CDHR2: variants seen among roughly 807,000 people sequenced by gnomAD.
CDHR2 encodes cadherin-related family member 2.
Under a neutral mutation model 138.6 loss-of-function variants are expected in CDHR2, and 104 were observed. That is an observed-to-expected ratio of 0.75 (90% CI 0.64 to 0.88). The LOEUF (loss-of-function observed/expected upper bound fraction) is 0.88, where lower values mean the gene tolerates loss of function less well. Ranked by LOEUF, CDHR2 falls within the 40% of genes least tolerant of loss-of-function variation. The pLI is 0.00. For synonymous variants in CDHR2, 755 were observed against 742.8 expected (o/e 1.02, Z -0.27); for missense variants, 1,624 against 1,727.6 (o/e 0.94, Z 1.06).
At chr5:176,585,062 G>A in intron 19 of CDHR2, 47 bp downstream of exon 19, 9 of 1,499,026 alleles carry the variant, frequency 6.0e-6, no homozygotes, top group Non-Finnish European at 8.0e-6. Context: ...TAGCTTAGGG[G>A]CCGCGGGAAG....
chr5:176,590,292 C>A lies in CDHR2; in HGVS notation c.3315C>A (p.Phe1105Leu). ...PHSYLDAYFV[F>L]PNGSALTLDE... is the part of the protein sequence containing the mutation. ...CCTACCTCGATGCCTACTTTGTCTTCCCCAATGGGTCAGCCCTGACCCTTG... is the reference window on the plus strand; with the variant it reads ...CCTACCTCGATGCCTACTTTGTCTTACCCAATGGGTCAGCCCTGACCCTTG... The change falls in exon 26 of 32, where the codon TTC (phenylalanine) becomes TTA (leucine). Residue 1105 changes from phenylalanine to leucine, a missense_variant. Transcript: ENST00000261944. 6.2e-7 allele frequency: 1 copy of A among 1,614,176 alleles called. No individual in the cohort carries two copies. The highest frequency in any genetic ancestry group is 1.7e-5 in the Admixed American group (1 of 60,034).
chr5:176,575,442 G>A lies in CDHR2; in HGVS notation c.768+16G>A, dbSNP rs41275283. On this transcript the variant is annotated intron_variant, in intron 9 of 31. Transcript: ENST00000261944. Reference sequence around the variant, plus strand: ...TGCAGCCAAGGTGCACGGGGGACCTGTGGGGTGTGGGTGGAGGCGGGAGGC... The same window carrying A: ...TGCAGCCAAGGTGCACGGGGGACCTATGGGGTGTGGGTGGAGGCGGGAGGC... The A allele has an allele frequency of 4.0e-4, 646 of 1,614,264 alleles. 1 individual carries two copies. Among genetic ancestry groups the A allele is most frequent in the Non-Finnish European group, 4.6e-4 (547 of 1,180,050 alleles).
intron 3 of CDHR2, among the ~76,000 whole-genome samples, chr5:176,566,204 A>T (rs900934778): frequency 3.7e-4 from 57 of 152,110 alleles, no homozygotes; most frequent in African/African-American, 1.4e-3. Flanking sequence ...TGTCTATGGC[A>T]GGTGAGATGG....
chr5:176,587,246 G>A (rs1758690970), intron 21 of CDHR2, among the ~76,000 whole-genome samples: 1 of 152,154 alleles, frequency 6.6e-6, no homozygotes, highest in African/African-American at 2.4e-5. Context: ...TCGGGAGTCT[G>A]CGACCAGCCT....
At chr5:176,585,778 TGGGGTTGAGGCTGCGGGGCAC>T (rs1561879445) in intron 19 of CDHR2, among the ~76,000 whole-genome samples, 155 bp from the exon 20 acceptor site, 10 of 142,494 alleles carry the variant, frequency 7.0e-5, no homozygotes, top group African/African-American at 1.1e-4. Context: ...CTGCGGGGCA[TGGGGTTGAGGCTGCGGGGCAC>T]GGGGTTGAGG....
At chr5:176,551,884 T>G (rs59381529) in intron 1 of CDHR2, among the ~76,000 whole-genome samples, 2,775 of 147,856 alleles carry the variant, frequency 0.019, 91 homozygotes, top group African/African-American at 0.066. Context: ...TTTTTTTTTT[T>G]GGGGAACTTT....
At chr5:176,571,031 T>G (rs1758214440) in intron 5 of CDHR2, among the ~76,000 whole-genome samples, 182 bp from the exon 6 acceptor site, 1 of 77,374 alleles carries the variant, frequency 1.3e-5, no homozygotes, top group Non-Finnish European at 2.4e-5. Flanking sequence ...GAGAACCTGG[T>G]CTCTACAAAA....
chr5:176,565,616 T>G (rs1242827756), intron 2 of CDHR2, 56 bp from the exon 3 acceptor site: 2 of 1,496,712 alleles, frequency 1.3e-6, no homozygotes, highest in Non-Finnish European at 1.9e-6. Context: ...GGGGAGCAGG[T>G]AGGGATCGGG....
At chr5:176,595,153 G>A (rs1453331798) in intron 31 of CDHR2, among the ~76,000 whole-genome samples, 2 of 152,214 alleles carry the variant, frequency 1.3e-5, no homozygotes, top group African/African-American at 4.8e-5. Flanking sequence ...TTGAGGTAAT[G>A]GATGGACCTC....
intron 3 of CDHR2, among the ~76,000 whole-genome samples, chr5:176,566,619 C>T (rs546572566): frequency 6.6e-6 from 1 of 152,254 alleles, no homozygotes. Flanking sequence ...GGTCACGCAG[C>T]CTTCTTCCCG....
chr5:176,575,515 G>A lies in CDHR2; in HGVS notation c.778G>A (p.Val260Met). ...CCAGGCCCCATTCCAGGGAACCTCG[G>A]TGCTGACGGTGGAGGCTGTGGATGG... ...VAEDAAKGTS[V>M]LTVEAVDGDK... is the part of the protein sequence containing the mutation. The change falls in exon 10 of 32, where the codon GTG (valine) becomes ATG (methionine). Residue 260 changes from valine to methionine, a missense_variant. Physicochemically the swap from Val to Met is conservative, Grantham distance 21. This residue lies in a region of CDHR2 where 1,061 missense variants were observed against 1,136.6 expected (regional missense o/e 0.93). Transcript: ENST00000261944. 6.2e-7 allele frequency: 1 copy of A among 1,614,184 alleles called. No homozygotes were observed.
intron 12 of CDHR2, among the ~76,000 whole-genome samples, chr5:176,577,007 T>C (rs1758398333): frequency 6.6e-6 from 1 of 150,812 alleles, no homozygotes; most frequent in African/African-American, 2.4e-5. Context: ...TGGAGGACAG[T>C]GTCGGGTGGG....
In CDHR2 at chr5:176,584,694, C is replaced by T; in HGVS notation, c.2413C>T (p.Pro805Ser). 1 of 1,614,096 alleles carries T rather than the reference C, an allele frequency of 6.2e-7. No individual in the cohort carries two copies. The highest frequency in any genetic ancestry group is 8.5e-7 in the Non-Finnish European group (1 of 1,179,966). The change falls in exon 19 of 32, where the codon CCC becomes TCC. Residue 805 changes from proline to serine, a missense_variant. Physicochemically the swap from Pro to Ser is moderately conservative, Grantham distance 74. Coordinates refer to ENST00000261944, the MANE Select transcript of CDHR2 (RefSeq NM_017675.6). The stretch of plus-strand genomic sequence containing the variant: ...GAATGTGAAAGACGTGAACGACAAT[C>T]CCCCCACCCTGGATGTAGCCTCACT... The part of the protein sequence containing the change: ...CVNVKDVNDN[P>S]PTLDVASLRG...
intron 28 of CDHR2, 116 bp downstream of exon 28, chr5:176,590,803 C>T: frequency 7.4e-7 from 1 of 1,356,802 alleles, no homozygotes. Flanking sequence ...TGCATTCACT[C>T]CCCAGTGACC....
At chr5:176,551,317 G>C (rs548321593) in intron 1 of CDHR2, among the ~76,000 whole-genome samples, 1 of 151,912 alleles carries the variant, frequency 6.6e-6, no homozygotes, top group African/African-American at 2.4e-5. Context: ...ACAGGTGTGC[G>C]CCACCATGCC....
chr5:176,569,031 G>A (rs1376888126), intron 5 of CDHR2, 21 bp downstream of exon 5: 3 of 1,613,356 alleles, frequency 1.9e-6, no homozygotes, highest in African/African-American at 2.7e-5. Context: ...AGGTGCAGGG[G>A]GGTAGACAGG....
intron 30 of CDHR2, 178 bp downstream of exon 30, chr5:176,591,662 A>G (rs1581152183): frequency 3.2e-6 from 2 of 616,008 alleles, no homozygotes; most frequent in East Asian, 2.8e-5. Context: ...GATGGTAGCA[A>G]TGGTGACAGT....
chr5:176,594,164 C>A (rs534252535), intron 31 of CDHR2, among the ~76,000 whole-genome samples: 1 of 152,102 alleles, frequency 6.6e-6, no homozygotes, highest in Non-Finnish European at 1.5e-5. Context: ...GGACAAGTCA[C>A]GGAAAGTCTT....
intron 3 of CDHR2, among the ~76,000 whole-genome samples, chr5:176,566,265 G>A (rs1758077416): frequency 6.6e-6 from 1 of 152,188 alleles, no homozygotes; most frequent in Non-Finnish European, 1.5e-5. Flanking sequence ...ACATGAGATG[G>A]AAAGTCAATT....
Sources: gnomAD v4.1 joint callset for allele counts (sites outside exome capture counted in the v4.1 genomes callset) on GRCh38, gnomAD v4.1.1 for gene constraint, gnomAD v4.1.1 regional missense constraint, MANE v1.5 for transcripts, NCBI Gene and HGNC (gene_info 2026-07-23, HGNC 2026-07-21) for gene names.